The following SAMMSON variants were observed in gnomAD, a reference collection of about 807,000 sequenced individuals.
SAMMSON encodes the protein survival associated mitochondrial melanoma specific oncogenic non-coding RNA.
intron 4 of SAMMSON, chr3:70,159,525 G>A (rs2067605659): frequency 6.6e-6 from 1 of 151,936 alleles, no homozygotes; most frequent in South Asian, 2.1e-4. Flanking sequence ...CAGTGTACGA[G>A]AGTACCAATT....
rs201135248 is a variant in SAMMSON at position 70,406,826 on chromosome 3, T to C, written n.233+48502T>C. Among the ~76,000 whole-genome samples, 15 of 152,188 alleles carry C rather than the reference T, an allele frequency of 9.9e-5. No homozygotes were observed. The East Asian group carries it at 2.9e-3, about 29-fold the overall frequency. On this transcript the variant is annotated intron_variant and non_coding_transcript_variant, in intron 2 of 3. Transcript: ENST00000641053. ...AAAGAGAGACAATAGTTGAGACAGG[T>C]AGAAAACAATGAGTGAGATGATAGG...
At chr3:70,308,385 T>A (rs899169891) in intron 7 of SAMMSON, among the ~76,000 whole-genome samples, 1 of 152,182 alleles carries the variant, frequency 6.6e-6, no homozygotes, top group Non-Finnish European at 1.5e-5. Context: ...TCATGCCTTG[T>A]TTATCCGATT....
intron 6 of SAMMSON, among the ~76,000 whole-genome samples, chr3:70,260,671 A>G (rs1701857750): frequency 6.6e-6 from 1 of 152,042 alleles, no homozygotes; most frequent in African/African-American, 2.4e-5. Flanking sequence ...TGCCCTCTTT[A>G]TACAGCTGTT....
At chr3:70,051,134 C>CAAAAAAAAAAAAAAAAAAAA (rs71126477) in intron 3 of SAMMSON, among the ~76,000 whole-genome samples, 2 of 45,232 alleles carry the variant, frequency 4.4e-5, no homozygotes, top group Non-Finnish European at 8.1e-5. Context: ...TACTCCATCT[C>CAAAAAAAAAAAAAAAAAAAA]AAAAAAAAAA....
intron 6 of SAMMSON, among the ~76,000 whole-genome samples, chr3:70,273,600 TG>T (rs988249584): frequency 1.3e-5 from 2 of 151,918 alleles, no homozygotes; most frequent in African/African-American, 4.8e-5. Flanking sequence ...GCAGGTCTTG[TG>T]TTTGGTTTAT....
intron 4 of SAMMSON, chr3:70,137,653 A>G (rs2106678550): frequency 6.6e-6 from 1 of 152,292 alleles, no homozygotes; most frequent in South Asian, 2.1e-4. Context: ...TACAATGCAA[A>G]CCAGAAGTGT....
chr3:70,061,115 C>A (rs2107591858), intron 3 of SAMMSON, among the ~76,000 whole-genome samples: 1 of 152,122 alleles, frequency 6.6e-6, no homozygotes, highest in East Asian at 1.9e-4. Flanking sequence ...GAAGGCCATT[C>A]CAAAGGTGGT....
chr3:70,095,014 T>G (rs1445578970), intron 4 of SAMMSON, among the ~76,000 whole-genome samples: 1 of 152,176 alleles, frequency 6.6e-6, no homozygotes, highest in East Asian at 1.9e-4. Flanking sequence ...AATTTGCAAT[T>G]GCTTAAGGAG....
At chr3:70,172,445 T>C (rs1056392309) in intron 4 of SAMMSON, 1 of 151,970 alleles carries the variant, frequency 6.6e-6, no homozygotes, top group Non-Finnish European at 1.5e-5. Context: ...TACTGCCAGC[T>C]TTCTGGCGTT....
chr3:70,060,529 GCTAT>G (rs2107591703), intron 3 of SAMMSON, among the ~76,000 whole-genome samples: 1 of 152,192 alleles, frequency 6.6e-6, no homozygotes, highest in South Asian at 2.1e-4. Flanking sequence ...AAACTTTTCT[GCTAT>G]CTATTGATAG....
chr3:70,218,390 T>C lies in SAMMSON; in HGVS notation n.508-30717T>C, dbSNP rs149390754. Among the ~76,000 whole-genome samples the C allele has an allele frequency of 3.7e-3, 567 of 152,264 alleles. 3 individuals carry two copies. The highest frequency in any genetic ancestry group is 5.4e-3 in the Non-Finnish European group (367 of 68,012). On this transcript the variant is annotated intron_variant and non_coding_transcript_variant, in intron 4 of 9. Transcript: ENST00000642114. Reference sequence around the variant, plus strand: ...GGCTTGCTATTTTTCCCTTTTTTACTAGTAAAGGTTTATAAGCTTTACAGT... The same window carrying C: ...GGCTTGCTATTTTTCCCTTTTTTACCAGTAAAGGTTTATAAGCTTTACAGT...
intron 4 of SAMMSON, among the ~76,000 whole-genome samples, chr3:70,210,824 G>A (rs1342210543): frequency 6.6e-6 from 1 of 152,042 alleles, no homozygotes; most frequent in Non-Finnish European, 1.5e-5. Flanking sequence ...TGGGCTACAG[G>A]TAATTGCAAG....
chr3:70,295,658 C>T (rs897976639), intron 7 of SAMMSON, among the ~76,000 whole-genome samples: 1 of 152,038 alleles, frequency 6.6e-6, no homozygotes, highest in Non-Finnish European at 1.5e-5. Flanking sequence ...TGTCATTGCC[C>T]TCCAGCTTGA....
intron 4 of SAMMSON, among the ~76,000 whole-genome samples, chr3:70,155,298 G>A (rs560901600): frequency 1.3e-5 from 2 of 152,048 alleles, no homozygotes; most frequent in Admixed American, 6.6e-5. Flanking sequence ...CCAATGCAAA[G>A]TTCCAGGGTA....
chr3:70,081,051 T>C (rs1439081149), intron 4 of SAMMSON, among the ~76,000 whole-genome samples: 1 of 152,232 alleles, frequency 6.6e-6, no homozygotes, highest in Non-Finnish European at 1.5e-5. Context: ...GTTTTGTTCA[T>C]TGATACTGTC....
At chr3:70,286,466 G>T (rs1702164696) in intron 6 of SAMMSON, among the ~76,000 whole-genome samples, 1 of 151,718 alleles carries the variant, frequency 6.6e-6, no homozygotes, top group Non-Finnish European at 1.5e-5. Context: ...CTGTAGCCTT[G>T]TAGTATAGTT....
intron 7 of SAMMSON, among the ~76,000 whole-genome samples, chr3:70,331,338 G>C (rs2106722535): frequency 6.6e-6 from 1 of 152,186 alleles, no homozygotes; most frequent in East Asian, 1.9e-4. Flanking sequence ...GTATCGCTAG[G>C]GCTTATGTAC....
chr3:70,269,882 A>G (rs6792331), intron 6 of SAMMSON, among the ~76,000 whole-genome samples: 1 of 151,970 alleles, frequency 6.6e-6, no homozygotes, highest in Non-Finnish European at 1.5e-5. Context: ...AGTCAAATAT[A>G]AACTTAGAAA....
At chr3:70,037,179 C>T (rs2067088508) in intron 3 of SAMMSON, among the ~76,000 whole-genome samples, 1 of 151,788 alleles carries the variant, frequency 6.6e-6, no homozygotes, top group Non-Finnish European at 1.5e-5. Context: ...TTTTCCACCC[C>T]TCCTTAAGGG....
Sources: gnomAD v4.1 joint callset for allele counts (sites outside exome capture counted in the v4.1 genomes callset) on GRCh38, gnomAD v4.1.1 for gene constraint, MANE v1.5 for transcripts, NCBI Gene and HGNC (gene_info 2026-07-23, HGNC 2026-07-21) for gene names.